The following ERCC1 variants were observed in gnomAD, a reference collection of about 807,000 sequenced individuals.
ERCC1 encodes DNA excision repair protein ERCC-1.
In ERCC1, 36 loss-of-function variants were observed where a neutral mutation model predicts 37.6. That is an observed-to-expected ratio of 0.96 (90% CI 0.73 to 1.26). ERCC1 has a LOEUF of 1.26. Ranked by LOEUF, ERCC1 falls within the 50% of genes most tolerant of loss-of-function variation. The pLI, the probability that ERCC1 is intolerant of heterozygous loss-of-function variation, is 0.00. For synonymous variants in ERCC1, 156 were observed against 162.1 expected, an observed-to-expected ratio of 0.96 and a Z score of 0.28; for missense variants, 349 against 376.5, an observed-to-expected ratio of 0.93 and a Z score of 0.60.
chr19:45,450,823 G>C (rs1359211280), intron 1 of ERCC1: 3 of 143,984 alleles, frequency 2.1e-5, no homozygotes, highest in African/African-American at 7.6e-5. Context: ...GGCGTTGCCC[G>C]GCAGCGCCGC....
At chr19:45,426,407 C>T (rs1974693527), upstream of ERCC1, among the ~76,000 whole-genome samples, 1 of 131,710 alleles carries the variant, frequency 7.6e-6, no homozygotes, top group African/African-American at 2.9e-5. Flanking sequence ...AAAAATTAGC[C>T]GGGCATGGTG....
chr19:45,415,062 G>A lies in ERCC1; in HGVS notation c.603-102C>T, dbSNP rs55754206. On this transcript the variant is annotated intron_variant, in intron 6 of 9. Transcript: ENST00000300853. Reference sequence around the variant, plus strand: ...GAATTGCCAATACTAGGCCGGGCGCGGTGGCTCACGCCTGTAATCCCAGCA... The same window carrying A: ...GAATTGCCAATACTAGGCCGGGCGCAGTGGCTCACGCCTGTAATCCCAGCA... 117 of 806,110 alleles carry A rather than the reference G, an allele frequency of 1.5e-4. No individual in the cohort carries two copies. The African/African-American group carries it at 1.5e-3, about 10-fold the overall frequency. The allele number at this position is 806,110 out of a possible 1,614,324, so 49.9% of individuals were successfully genotyped here.
At chr19:45,443,047 G>T (rs564075827) in intron 1 of ERCC1, among the ~76,000 whole-genome samples, 2 of 152,308 alleles carry the variant, frequency 1.3e-5, no homozygotes, top group East Asian at 3.9e-4. Flanking sequence ...GAAGTGACAG[G>T]CCATCGGGGG....
chr19:45,423,220 C>G, intron 2 of ERCC1, 50 bp downstream of exon 2: 3 of 1,552,934 alleles, frequency 1.9e-6, no homozygotes, highest in Non-Finnish European at 2.6e-6. Context: ...CTATCCTCTT[C>G]GTCCTAACAG....
chr19:45,429,404 G>C (rs953890407), intron 1 of ERCC1, among the ~76,000 whole-genome samples: 1 of 152,100 alleles, frequency 6.6e-6, no homozygotes, highest in Admixed American at 6.6e-5. Context: ...AGGTTGTAGT[G>C]AGCCAAGATC....
chr19:45,416,401 A>G, intron 6 of ERCC1: 1 of 212,958 alleles, frequency 4.7e-6, no homozygotes, highest in South Asian at 6.8e-5. Context: ...CTGTAATCCC[A>G]GCACTTTGGG....
chr19:45,428,527 C>G (rs1974756821), upstream of ERCC1, among the ~76,000 whole-genome samples: 1 of 152,208 alleles, frequency 6.6e-6, no homozygotes, highest in Non-Finnish European at 1.5e-5. Context: ...GCCCCAAGTT[C>G]CAGAATTCAG....
upstream of ERCC1, chr19:45,424,073 T>A (rs759739400): frequency 5.6e-5 from 58 of 1,040,240 alleles, no homozygotes; most frequent in Admixed American, 2.2e-4. Flanking sequence ...AAGCCCTTAC[T>A]GAGCGCTTCT....
chr19:45,409,198 T>A lies in ERCC1; in HGVS notation c.*477A>T. 6.2e-7 allele frequency: 1 copy of A among 1,613,096 alleles called. No homozygotes were observed. The highest frequency in any genetic ancestry group is 1.1e-5 in the South Asian group (1 of 90,976). On this transcript the variant is annotated 3_prime_UTR_variant, in exon 10 of 10. Coordinates refer to ENST00000300853, the MANE Select transcript of ERCC1 (RefSeq NM_001983.4). ...AGGTGGTGGGGCCTGAGCTGCCGGA[T>A]GACCTTGAGCCTCAGGCAGCTCCCA...
chr19:45,417,035 T>G, intron 5 of ERCC1, 138 bp from the exon 6 acceptor site: 1 of 695,180 alleles, frequency 1.4e-6, no homozygotes, highest in African/African-American at 1.8e-5. Context: ...AGGCAGACGT[T>G]GCAGTGAGCC....
At chr19:45,448,465 G>C (rs535348109) in intron 1 of ERCC1, among the ~76,000 whole-genome samples, 1 of 152,200 alleles carries the variant, frequency 6.6e-6, no homozygotes, top group East Asian at 1.9e-4. Flanking sequence ...GACCCAGAAA[G>C]GGACTCACGG....
chr19:45,427,170 AGAAAG>A (rs532723731), upstream of ERCC1, among the ~76,000 whole-genome samples: 29 of 152,154 alleles, frequency 1.9e-4, no homozygotes, highest in Non-Finnish European at 4.0e-4. Flanking sequence ...ACGAAAGAAA[AGAAAG>A]GAAAGAAAAA....
chr19:45,429,587 C>G (rs1477916211), intron 1 of ERCC1, among the ~76,000 whole-genome samples: 1 of 152,110 alleles, frequency 6.6e-6, no homozygotes, highest in Non-Finnish European at 1.5e-5. Context: ...AGCAAGAGAA[C>G]TGGGATGTTC....
rs3212956 is a variant in ERCC1, at chr19:45,420,079, G to A, written c.425+245C>T. Among the ~76,000 whole-genome samples the A allele has an allele frequency of 1.3e-3, 165 of 126,844 alleles. No individual in the cohort carries two copies. The highest frequency in any genetic ancestry group is 1.6e-3 in the Non-Finnish European group (98 of 59,402). The allele number at this position is 126,844 out of a possible 152,430, so 83.2% of individuals were successfully genotyped here. A position where few individuals can be genotyped will look rare whatever the true frequency, so the allele number is the denominator to read the frequency against. On this transcript the variant is annotated intron_variant, in intron 4 of 9. Coordinates refer to ENST00000300853, the MANE Select transcript of ERCC1 (RefSeq NM_001983.4). The surrounding 1 kb of genome is among the most constrained non-coding windows in gnomAD (Gnocchi z 4.8). ...TCCAGCCCTCAGCCCCTCCTCCCCC[G>A]GACCCAGGAGTCCGGCCCCCAGCCC...
At chr19:45,419,887 C>T (rs1188782905) in intron 4 of ERCC1, among the ~76,000 whole-genome samples, 10 of 149,720 alleles carry the variant, frequency 6.7e-5, no homozygotes, top group African/African-American at 2.2e-4. Flanking sequence ...AGCCCCTCCT[C>T]CCTTAGACCC....
chr19:45,424,063 A>G (rs924448393), upstream of ERCC1: 40 of 1,042,546 alleles, frequency 3.8e-5, no homozygotes, highest in African/African-American at 5.9e-4. Context: ...TTAAGTTTCA[A>G]AGCCCTTACT....
rs201870388 is a variant in ERCC1 at position 45,413,939 on chromosome 19, T to C, written c.774+24A>G. The C allele has an allele frequency of 2.1e-4, 336 of 1,609,646 alleles. 1 individual carries two copies. Among genetic ancestry groups the C allele is most frequent in the Non-Finnish European group, 2.7e-4 (316 of 1,176,792 alleles). ...AAAGGCAAGGGGACAGAAATGCCTA[T>C]GGGGCAGGGGAGCCATTCCTTACTC... On this transcript the variant is annotated intron_variant, in intron 8 of 9. Coordinates refer to ENST00000300853, the MANE Select transcript of ERCC1 (RefSeq NM_001983.4).
At chr19:45,442,422 T>C (rs1975146012) in intron 1 of ERCC1, among the ~76,000 whole-genome samples, 1 of 152,178 alleles carries the variant, frequency 6.6e-6, no homozygotes, top group Admixed American at 6.6e-5. Context: ...CAATATTAAC[T>C]ATTTTTTATG....
intron 3 of ERCC1, 82 bp downstream of exon 3, chr19:45,421,096 A>G: frequency 8.6e-7 from 1 of 1,166,718 alleles, no homozygotes; most frequent in Admixed American, 1.7e-5. Context: ...TGGAACTCAG[A>G]CCTCCTTGCA....
Sources: allele counts gnomAD v4.1 joint callset (sites outside exome capture counted in the v4.1 genomes callset), GRCh38; gene constraint gnomAD v4.1.1; non-coding constraint Gnocchi (gnomAD v3.1); transcripts MANE v1.5; gene names NCBI Gene and HGNC (gene_info 2026-07-23, HGNC 2026-07-21).